The following GRIK4 variants were observed in gnomAD, a reference collection of about 807,000 sequenced individuals.
GRIK4 encodes the protein glutamate ionotropic receptor kainate type subunit 4.
A neutral mutation model predicts 104.9 loss-of-function variants in GRIK4; 40 were observed. The ratio of observed to expected loss-of-function variants is 0.38; its 90% CI spans 0.30 to 0.50. The LOEUF is 0.50. Among genes scored for constraint, GRIK4 ranks in the 20% least tolerant of loss-of-function variants. The probability of loss-of-function intolerance (pLI) is 0.93; values close to 1 mark genes in which losing one functional copy is unlikely to be tolerated. For synonymous variants in GRIK4, 485 were observed against 524.9 expected (o/e 0.92, Z 1.04); for missense variants, 1,047 against 1,308.1 (o/e 0.80, Z 3.08).
chr11:120,607,720 G>T (rs1024153181), intron 1 of GRIK4, among the ~76,000 whole-genome samples: 4 of 152,050 alleles, frequency 2.6e-5, no homozygotes, highest in African/African-American at 9.7e-5. Flanking sequence ...GCTTTATTTG[G>T]GTAGAGATGC....
chr11:120,976,990 G>A (rs1228686231), intron 19 of GRIK4, among the ~76,000 whole-genome samples: 1 of 152,210 alleles, frequency 6.6e-6, no homozygotes, highest in African/African-American at 2.4e-5. Flanking sequence ...GGTGGGTGGA[G>A]ATTCACATCT....
chr11:120,739,225 T>G (rs1951283329), intron 3 of GRIK4, among the ~76,000 whole-genome samples: 2 of 152,202 alleles, frequency 1.3e-5, no homozygotes, highest in Non-Finnish European at 2.9e-5. Flanking sequence ...TTTCCTTATC[T>G]ATATGGAAAT....
chr11:120,527,735 A>G (rs1412911779), intron 1 of GRIK4, among the ~76,000 whole-genome samples: 2 of 152,174 alleles, frequency 1.3e-5, no homozygotes, highest in African/African-American at 4.8e-5. Flanking sequence ...GCTTGCATTT[A>G]TATGCAGCTG....
chr11:120,649,670 G>A (rs2135216027), intron 1 of GRIK4, among the ~76,000 whole-genome samples: 1 of 152,274 alleles, frequency 6.6e-6, no homozygotes, highest in South Asian at 2.1e-4. Flanking sequence ...GCTCTTCTCA[G>A]TCCTCCTTAG....
At chr11:120,646,251 G>C (rs1020278718) in intron 1 of GRIK4, among the ~76,000 whole-genome samples, 1 of 152,184 alleles carries the variant, frequency 6.6e-6, no homozygotes, top group Non-Finnish European at 1.5e-5. Context: ...TGCTAAGATC[G>C]CAGCTAATAT....
chr11:120,969,631 G>A (rs1008595083), intron 19 of GRIK4, among the ~76,000 whole-genome samples: 1 of 152,172 alleles, frequency 6.6e-6, no homozygotes, highest in Non-Finnish European at 1.5e-5. Flanking sequence ...AATAAAGTTG[G>A]ATGATTGTCA....
At chr11:120,724,831 A>C (rs1951000428) in intron 3 of GRIK4, among the ~76,000 whole-genome samples, 1 of 152,192 alleles carries the variant, frequency 6.6e-6, no homozygotes, top group Non-Finnish European at 1.5e-5. Flanking sequence ...CCATTTTGGA[A>C]AATCATATCA....
At chr11:120,923,172 G>T (rs760338707) in intron 13 of GRIK4, among the ~76,000 whole-genome samples, 110 of 152,212 alleles carry the variant, frequency 7.2e-4, no homozygotes, top group Middle Eastern at 6.8e-3. Context: ...TGCAAGCTGG[G>T]GTTAGTCTGG....
At position 120,962,643 on chromosome 11, in the gene GRIK4, T is replaced by A; in HGVS notation, c.2228T>A (p.Leu743Gln). Residue 743 changes from leucine to glutamine, a missense_variant, in exon 18 of 21, where the codon CTG (leucine) becomes CAG (glutamine). Physicochemically the swap from Leu to Gln is moderately radical, Grantham distance 113 (BLOSUM62 -2). Around this residue, in one of 3 missense-constraint regions of GRIK4, gnomAD observed 440 missense variants for 652.3 expected, o/e 0.67. Transcript: ENST00000527524. ...RNCNLTQIGGLLDTKGYGIGM... is the reference protein window; with the variant it reads ...RNCNLTQIGGQLDTKGYGIGM... The stretch of plus-strand genomic sequence containing the variant: ...TGCAACCTCACTCAGATTGGGGGCC[T>A]GCTGGACACCAAGGGCTATGGGATT... 6.2e-7 allele frequency: 1 copy of A among 1,613,622 alleles called. No individual in the cohort carries two copies. Among genetic ancestry groups the A allele is most frequent in the Non-Finnish European group, 8.5e-7 (1 of 1,179,600 alleles).
chr11:120,524,996 A>G lies in GRIK4; in HGVS notation c.-159+13109A>G, dbSNP rs61900875. Among the ~76,000 whole-genome samples, 16,743 of 151,778 alleles carry G rather than the reference A, an allele frequency of 0.11. 1,216 individuals carry two copies. Among genetic ancestry groups the G allele is most frequent in the African/African-American group, 0.21 (8,525 of 41,332 alleles). Reference sequence around the variant, plus strand: ...GGGGCTGCACCATGAATGCCCAGTGACTCTGGACCTCCCTGGTCAAGGCTG... The same window carrying G: ...GGGGCTGCACCATGAATGCCCAGTGGCTCTGGACCTCCCTGGTCAAGGCTG... On this transcript the variant is annotated intron_variant, in intron 1 of 20. Transcript: ENST00000527524. The surrounding 1 kb of genome is among the most constrained non-coding windows in gnomAD (Gnocchi z 4.5).
intron 3 of GRIK4, among the ~76,000 whole-genome samples, chr11:120,720,300 A>T (rs960408608): frequency 7.2e-5 from 11 of 152,244 alleles, no homozygotes; most frequent in African/African-American, 2.7e-4. Flanking sequence ...TAAGCACTGC[A>T]TTTTGTGTTT....
At position 120,679,974 on chromosome 11, in the gene GRIK4, C is replaced by T. The variant is rs77409718; in HGVS notation, c.82+19574C>T. ...CATCGCTGGGCCTTTGCTGTCTCCA[C>T]TGCCTAGAATACTCTTCTTCTCACC... is the stretch of plus-strand genomic sequence containing the variant. On this transcript the variant is annotated intron_variant, in intron 3 of 20. Transcript: ENST00000527524. 2.8e-3 allele frequency among the ~76,000 whole-genome samples: 421 copies of T among 152,338 alleles called. 2 individuals are homozygous for T. The highest frequency in any genetic ancestry group is 8.5e-3 in the African/African-American group (353 of 41,576).
intron 3 of GRIK4, among the ~76,000 whole-genome samples, chr11:120,760,500 G>T (rs1055325240): frequency 6.6e-6 from 1 of 151,202 alleles, no homozygotes; most frequent in African/African-American, 2.4e-5. Flanking sequence ...AGAACGTGCA[G>T]GTTTGTTACA....
intron 8 of GRIK4, among the ~76,000 whole-genome samples, chr11:120,852,337 T>G (rs1953993148): frequency 6.6e-6 from 1 of 152,228 alleles, no homozygotes; most frequent in South Asian, 2.1e-4. Context: ...GATGGGTGTT[T>G]GCAGGTGAAC....
At chr11:120,611,880 C>A (rs562117871) in intron 1 of GRIK4, among the ~76,000 whole-genome samples, 158 of 152,328 alleles carry the variant, frequency 1.0e-3, no homozygotes, top group African/African-American at 3.7e-3. Context: ...GCGTGTGAAC[C>A]TGCTAGCTTC....
chr11:120,512,041 G>GGCCCCC (rs1210010315), intron 1 of GRIK4, among the ~76,000 whole-genome samples, 154 bp downstream of exon 1: 3 of 18,862 alleles, frequency 1.6e-4, no homozygotes, highest in Non-Finnish European at 2.2e-4. Context: ...CCCCTGCCCC[G>GGCCCCC]GCCCCCGCCC....
At chr11:120,659,092 A>G (rs1017187355) in intron 2 of GRIK4, among the ~76,000 whole-genome samples, 19 of 152,082 alleles carry the variant, frequency 1.2e-4, no homozygotes, top group African/African-American at 4.6e-4. Flanking sequence ...TGGGATTAGC[A>G]TATCCAGGTG....
chr11:120,911,462 C>T (rs1237216467), intron 13 of GRIK4, among the ~76,000 whole-genome samples: 2 of 147,484 alleles, frequency 1.4e-5, no homozygotes, highest in African/African-American at 4.9e-5. Flanking sequence ...TGGTCTCGAT[C>T]TCCTGACCTC....
At chr11:120,852,986 T>A (rs1467735676) in intron 8 of GRIK4, among the ~76,000 whole-genome samples, 1 of 152,214 alleles carries the variant, frequency 6.6e-6, no homozygotes, top group African/African-American at 2.4e-5. Context: ...CCTTCCTAAA[T>A]GTTTTTAGTC....
Sources: gnomAD v4.1 joint callset for allele counts (sites outside exome capture counted in the v4.1 genomes callset) on GRCh38, gnomAD v4.1.1 for gene constraint, gnomAD v4.1.1 regional missense constraint, Gnocchi (gnomAD v3.1) non-coding constraint, MANE v1.5 for transcripts, NCBI Gene and HGNC (gene_info 2026-07-23, HGNC 2026-07-21) for gene names.